Variants in PARVB observed in about 807,000 individuals in gnomAD.
PARVB encodes the protein parvin beta, also known as beta-parvin.
A neutral mutation model predicts 47.0 loss-of-function variants in PARVB; 46 were observed. That is an observed-to-expected ratio of 0.98 (90% CI 0.77 to 1.25). The LOEUF is 1.25. PARVB is among the 50% of genes most tolerant of loss of function. PARVB has a pLI of 0.00. For missense variants in PARVB, 473 were observed against 471.6 expected (o/e 1.00, Z -0.03); for synonymous variants, 196 against 196.3 (o/e 1.00, Z 0.01).
intron 3 of PARVB, chr22:44,113,183 C>T (rs1304712224): frequency 8.0e-6 from 1 of 125,498 alleles, no homozygotes; most frequent in East Asian, 2.9e-4. Flanking sequence ...TAAGGCCCTA[C>T]ACCAGCACAG....
intron 10 of PARVB, among the ~76,000 whole-genome samples, chr22:44,157,035 A>G (rs1056281149): frequency 6.6e-6 from 1 of 152,258 alleles, no homozygotes; most frequent in Non-Finnish European, 1.5e-5. Flanking sequence ...CAGCTTATGT[A>G]TATTTTATCA....
At chr22:44,092,746 G>C (rs961045820) in intron 1 of PARVB, among the ~76,000 whole-genome samples, 1 of 152,206 alleles carries the variant, frequency 6.6e-6, no homozygotes, top group Non-Finnish European at 1.5e-5. Flanking sequence ...TGAGTGGGAT[G>C]TACCTGGGGT....
intron 2 of PARVB, among the ~76,000 whole-genome samples, chr22:44,014,433 A>C (rs1189036076): frequency 6.6e-6 from 1 of 152,226 alleles, no homozygotes; most frequent in Non-Finnish European, 1.5e-5. Flanking sequence ...TGATTTTCAT[A>C]ATCATTCTCC....
chr22:44,067,588 C>T (rs539036039), intron 1 of PARVB, among the ~76,000 whole-genome samples: 50 of 152,350 alleles, frequency 3.3e-4, no homozygotes, highest in African/African-American at 1.2e-3. Context: ...TGGCGAGGGC[C>T]TTCCTGTCTG....
chr22:44,143,010 C>T (rs4823115), intron 8 of PARVB: 31,793 of 152,408 alleles, frequency 0.21, 3,833 homozygotes, highest in Non-Finnish European at 0.27. Context: ...CTCCTTCAGC[C>T]CCCGAGAGCA....
rs528914294 is a variant in PARVB, at chr22:44,160,703, C to T, written c.945+2620C>T. On this transcript the variant is annotated intron_variant, in intron 11 of 12. Transcript: ENST00000338758. Reference sequence around the variant, plus strand: ...GGTGGCAATTTCCTGCCTGGCATTTCCTCAGCCTGAGAAGAAAGCAGAAGG... The same window carrying T: ...GGTGGCAATTTCCTGCCTGGCATTTTCTCAGCCTGAGAAGAAAGCAGAAGG... Among the ~76,000 whole-genome samples, 63 of 152,322 alleles carry T rather than the reference C, an allele frequency of 4.1e-4. No homozygotes were observed. The South Asian group carries it at 0.013, about 32-fold the overall frequency.
rs146206638 is a variant in PARVB, at chr22:44,054,154, GT to G, written c.112+29704del. 8.0e-3 allele frequency among the ~76,000 whole-genome samples: 1,224 copies of G among 152,312 alleles called. 16 individuals are homozygous for G. The highest frequency in any genetic ancestry group is 0.028 in the African/African-American group (1,160 of 41,560). On this transcript the variant is annotated intron_variant, in intron 1 of 12. Coordinates refer to ENST00000338758, the MANE Select transcript of PARVB (RefSeq NM_013327.5). ...TCTCATTACTTACAATCTGATGAGAGTCCTGCCTTGGGCAGGTGAAAGGAGG... is the reference window on the plus strand; with the variant it reads ...TCTCATTACTTACAATCTGATGAGAGCCTGCCTTGGGCAGGTGAAAGGAGG...
intron 10 of PARVB, chr22:44,152,999 C>T (rs1569157824): frequency 1.3e-5 from 2 of 152,186 alleles, no homozygotes; most frequent in Admixed American, 1.3e-4. Flanking sequence ...GATGAATGCA[C>T]AGAGGGTTTT....
At chr22:44,099,454 G>A (rs2052388302) in intron 2 of PARVB, among the ~76,000 whole-genome samples, 1 of 152,170 alleles carries the variant, frequency 6.6e-6, no homozygotes, top group Non-Finnish European at 1.5e-5. Flanking sequence ...AACGTGGAGG[G>A]AAAGCAAACA....
At chr22:44,039,792 G>C in intron 1 of PARVB, 1 of 451,014 alleles carries the variant, frequency 2.2e-6, no homozygotes, top group Non-Finnish European at 4.4e-6. Flanking sequence ...CAGACCAAAA[G>C]AGTACACACT....
chr22:44,039,647 C>T lies in PARVB; in HGVS notation c.112+15196C>T, dbSNP rs2050982106. Among the ~76,000 whole-genome samples, 5 of 151,900 alleles carry T rather than the reference C, an allele frequency of 3.3e-5. No homozygotes were observed. The South Asian group carries it at 1.0e-3, about 32-fold the overall frequency. On this transcript the variant is annotated intron_variant, in intron 1 of 12. Coordinates refer to ENST00000338758, the MANE Select transcript of PARVB (RefSeq NM_013327.5). ...CTGGTACTTGGAAACAGCTTGGGGA[C>T]CATCAGTAGGTGAATGGATACACGG...
upstream of PARVB, among the ~76,000 whole-genome samples, chr22:44,023,547 T>A (rs62226385): frequency 1.0e-5 from 1 of 99,540 alleles, no homozygotes. Context: ...CAAAATAAAA[T>A]AAAATAAAAT....
chr22:44,172,744 G>T lies in PARVB; in HGVS notation c.*4066G>T. 1 of 293,672 alleles carries T rather than the reference G, an allele frequency of 3.4e-6. No individual in the cohort carries two copies. The highest frequency in any genetic ancestry group is 6.7e-6 in the Non-Finnish European group (1 of 149,408). 18.2% of individuals were successfully genotyped at this position (293,672 alleles called of 1,614,324 possible). A position where few individuals can be genotyped will look rare whatever the true frequency, so the allele number is the denominator to read the frequency against. ...TAAGCAATGTTTACTTTGGATTTCT[G>T]GATGTTATATAAAAGCCACGAAAAC... On this transcript the variant is annotated 3_prime_UTR_variant, in exon 13 of 13. Transcript: ENST00000338758.
intron 1 of PARVB, among the ~76,000 whole-genome samples, chr22:44,053,436 C>T (rs2051248395): frequency 6.6e-6 from 1 of 152,212 alleles, no homozygotes; most frequent in Non-Finnish European, 1.5e-5. Context: ...GATTCGGCTG[C>T]TGCTCCCTGT....
chr22:44,088,918 G>A (rs2052096610), intron 1 of PARVB, among the ~76,000 whole-genome samples: 1 of 152,212 alleles, frequency 6.6e-6, no homozygotes, highest in Non-Finnish European at 1.5e-5. Flanking sequence ...TCTGTAATCC[G>A]AGGTTGTGTG....
At position 44,168,666 on chromosome 22, in the gene PARVB, G is replaced by A. The variant is rs780772464; in HGVS notation, c.1083G>A (p.Lys361=). ...TTTACAACCTGTTCACCAAGTACAA[G>A]AACGTGGAGTGACGGGGGAGCTGTG... ...RVLYNLFTKY[K]NVE is the part of the protein sequence containing the mutation. The change falls in exon 13 of 13, where the codon AAG becomes AAA. Residue 361 remains lysine, a synonymous_variant. Coordinates refer to ENST00000338758, the MANE Select transcript of PARVB (RefSeq NM_013327.5). The A allele has an allele frequency of 2.2e-5, 35 of 1,610,440 alleles. No homozygotes were observed. In the South Asian group the frequency reaches 3.6e-4, roughly 17 times the overall value.
At chr22:44,015,773 T>C (rs184808151) in intron 2 of PARVB, among the ~76,000 whole-genome samples, 1 of 152,312 alleles carries the variant, frequency 6.6e-6, no homozygotes, top group Admixed American at 6.5e-5. Flanking sequence ...GAGCCAAGAT[T>C]GTGCCACTGC....
chr22:44,081,634 C>G (rs2051902640), intron 1 of PARVB: 2 of 984,938 alleles, frequency 2.0e-6, no homozygotes, highest in South Asian at 9.4e-5. Flanking sequence ...GTGCGTTTCT[C>G]TAAGAGCCTG....
intron 1 of PARVB, among the ~76,000 whole-genome samples, chr22:44,088,870 C>G (rs1322499536): frequency 2.6e-5 from 4 of 152,194 alleles, no homozygotes; most frequent in Non-Finnish European, 2.9e-5. Context: ...CTCCCCCTTT[C>G]CAATGGACAG....
Sources: allele counts gnomAD v4.1 joint callset (sites outside exome capture counted in the v4.1 genomes callset), GRCh38; gene constraint gnomAD v4.1.1; transcripts MANE v1.5; gene names NCBI Gene and HGNC (gene_info 2026-07-23, HGNC 2026-07-21).